The following PLEKHG1 variants were observed in gnomAD, a reference collection of about 807,000 sequenced individuals.
PLEKHG1 encodes pleckstrin homology domain-containing family G member 1.
PLEKHG1 carries 44 observed loss-of-function variants against 100.8 expected under a neutral mutation model. The ratio of observed to expected loss-of-function variants is 0.44; its 90% CI spans 0.34 to 0.56. PLEKHG1 has a LOEUF of 0.56. Ranked by LOEUF, PLEKHG1 falls within the 20% of genes least tolerant of loss-of-function variation. The pLI, the probability that PLEKHG1 is intolerant of heterozygous loss-of-function variation, is 0.01. For missense variants in PLEKHG1, 1,545 were observed against 1,720.9 expected, an observed-to-expected ratio of 0.90 and a Z score of 1.81; for synonymous variants, 640 against 662.5, an observed-to-expected ratio of 0.97 and a Z score of 0.52.
At chr6:150,732,231 A>G (rs916732211) in intron 1 of PLEKHG1, among the ~76,000 whole-genome samples, 5 of 152,032 alleles carry the variant, frequency 3.3e-5, no homozygotes, top group African/African-American at 1.2e-4. Context: ...AGACAGTGCC[A>G]TTTTCTCATA....
rs1168371849 is a variant in PLEKHG1 at position 150,737,279 on chromosome 6, GTA to G, written c.411+3189_411+3190del. ...TACCCAATAAAAGGCTGTCATATGG[GTA>G]TTTTTTTTTTTTTTTTTTTTTGAGA... On this transcript the variant is annotated intron_variant, in intron 2 of 15. Coordinates refer to ENST00000358517, the Ensembl canonical transcript of PLEKHG1. Among the ~76,000 whole-genome samples, 3 of 141,202 alleles carry G rather than the reference GTA, an allele frequency of 2.1e-5. No homozygotes were observed. The East Asian group carries it at 6.2e-4, about 29-fold the overall frequency. The allele number at this position is 141,202 out of a possible 152,430, so 92.6% of individuals were successfully genotyped here.
chr6:150,725,831 T>A (rs1011124787), intron 1 of PLEKHG1, among the ~76,000 whole-genome samples: 5 of 152,056 alleles, frequency 3.3e-5, no homozygotes, highest in African/African-American at 1.2e-4. Context: ...TATTTTGAGT[T>A]TATGTTTGTG....
At chr6:150,816,399 G>A (rs1422331437) in intron 10 of PLEKHG1, among the ~76,000 whole-genome samples, 2 of 133,478 alleles carry the variant, frequency 1.5e-5, no homozygotes, top group African/African-American at 5.6e-5. Context: ...GAGTGCAGTG[G>A]TGCTGCAACC....
Position 150,795,836 on chromosome 6 carries a change from T to C in PLEKHG1, c.583-20T>C. On this transcript the variant is annotated intron_variant, in intron 4 of 15. Coordinates refer to ENST00000358517, the Ensembl canonical transcript of PLEKHG1. ...GTTTGTGCTTTGTTGCCTATAAAAATTTCTTTTGTTTCCTTGCAGAGTGAA... is the reference window on the plus strand; with the variant it reads ...GTTTGTGCTTTGTTGCCTATAAAAACTTCTTTTGTTTCCTTGCAGAGTGAA... The C allele has an allele frequency of 6.5e-7, 1 of 1,533,696 alleles. No individual in the cohort carries two copies. The highest frequency in any genetic ancestry group is 9.0e-7 in the Non-Finnish European group (1 of 1,108,630).
intron 1 of PLEKHG1, among the ~76,000 whole-genome samples, chr6:150,611,668 C>T (rs1198805121): frequency 1.3e-5 from 2 of 151,954 alleles, no homozygotes; most frequent in African/African-American, 2.4e-5. Flanking sequence ...AAAAATTAGC[C>T]GGGCATGGTG....
intron 2 of PLEKHG1, among the ~76,000 whole-genome samples, chr6:150,756,483 T>C (rs3734411): frequency 0.075 from 11,475 of 152,238 alleles, 516 homozygotes; most frequent in Admixed American, 0.14. Flanking sequence ...TTACCTAATG[T>C]CGCCAGGGTG....
chr6:150,722,477 C>T (rs1687683678), intron 1 of PLEKHG1, among the ~76,000 whole-genome samples: 1 of 150,960 alleles, frequency 6.6e-6, no homozygotes, highest in South Asian at 2.1e-4. Flanking sequence ...CCATAGTTTC[C>T]TGAGTAGCTG....
At chr6:150,730,703 G>C (rs1278893116) in intron 1 of PLEKHG1, among the ~76,000 whole-genome samples, 1 of 152,096 alleles carries the variant, frequency 6.6e-6, no homozygotes, top group Non-Finnish European at 1.5e-5. Context: ...AGGAGTTCGA[G>C]ACCAGCCTGG....
At chr6:150,746,048 A>G (rs1034458292) in intron 2 of PLEKHG1, among the ~76,000 whole-genome samples, 1 of 152,194 alleles carries the variant, frequency 6.6e-6, no homozygotes, top group Non-Finnish European at 1.5e-5. Context: ...TGCCTTGTCA[A>G]CGGGGAGGGT....
intron 2 of PLEKHG1, among the ~76,000 whole-genome samples, chr6:150,643,210 A>T (rs1003728538): frequency 1.3e-5 from 2 of 152,220 alleles, no homozygotes; most frequent in African/African-American, 4.8e-5. Flanking sequence ...TAAAAAAAAT[A>T]AACAGGAAAT....
At chr6:150,792,909 A>G (rs76806506) in intron 4 of PLEKHG1, among the ~76,000 whole-genome samples, 2 of 152,322 alleles carry the variant, frequency 1.3e-5, no homozygotes, top group East Asian at 3.9e-4. Flanking sequence ...ACAAAAGACC[A>G]TAGGCCAGGT....
At chr6:150,716,966 C>T (rs1274594274), upstream of PLEKHG1, among the ~76,000 whole-genome samples, 1 of 152,180 alleles carries the variant, frequency 6.6e-6, no homozygotes. Context: ...ATGCTCCGAC[C>T]TCAGCCTCCC....
Position 150,599,931 on chromosome 6 carries a change from G to C in PLEKHG1, c.-290G>C, listed in dbSNP as rs1402796150. ...CCCGACGGCGGCTGCAGGGCGCTCC[G>C]GCAGCCCGAGCCGGCGCAGCGCAGC... On this transcript the variant is annotated 5_prime_UTR_variant, in exon 1 of 4. Transcript: ENST00000367326. 4.1e-5 allele frequency: 8 copies of C among 195,464 alleles called. No homozygotes were observed. In the East Asian group the frequency reaches 7.0e-4, roughly 17 times the overall value. 12.1% of individuals were successfully genotyped at this position (195,464 alleles called of 1,614,324 possible). A position where few individuals can be genotyped will look rare whatever the true frequency, so the allele number is the denominator to read the frequency against.
chr6:150,672,099 G>T (rs1779605538), intron 3 of PLEKHG1, among the ~76,000 whole-genome samples: 1 of 152,054 alleles, frequency 6.6e-6, no homozygotes, highest in African/African-American at 2.4e-5. Context: ...GGGCCAAGGG[G>T]TCCCTGATAA....
intron 1 of PLEKHG1, among the ~76,000 whole-genome samples, chr6:150,623,760 T>C (rs1050083452): frequency 2.0e-5 from 3 of 152,216 alleles, no homozygotes; most frequent in Non-Finnish European, 2.9e-5. Context: ...ACGTTTGTCA[T>C]GTGCCTCTCT....
chr6:150,747,344 GAGTT>G, intron 2 of PLEKHG1, among the ~76,000 whole-genome samples: 1 of 152,336 alleles, frequency 6.6e-6, no homozygotes, highest in Non-Finnish European at 1.5e-5. Flanking sequence ...GATAAGCCGA[GAGTT>G]AGTGTGACAG....
At chr6:150,823,579 A>C in intron 13 of PLEKHG1, 75 bp from the exon 15 acceptor site, 1 of 1,002,768 alleles carries the variant, frequency 1.0e-6, no homozygotes, top group Non-Finnish European at 1.5e-6. Context: ...TCTAAGTTCT[A>C]TAAAATATTA....
intron 1 of PLEKHG1, among the ~76,000 whole-genome samples, chr6:150,631,535 C>T (rs1047048274): frequency 6.6e-6 from 1 of 152,216 alleles, no homozygotes; most frequent in African/African-American, 2.4e-5. Flanking sequence ...CTGATCATAA[C>T]AGAAGCATCT....
intron 3 of PLEKHG1, among the ~76,000 whole-genome samples, chr6:150,714,668 A>G (rs1202044202): frequency 6.6e-6 from 1 of 152,200 alleles, no homozygotes; most frequent in Non-Finnish European, 1.5e-5. Context: ...GGATGACTGA[A>G]GTCCTGGTAA....
Sources: allele counts gnomAD v4.1 joint callset (sites outside exome capture counted in the v4.1 genomes callset), GRCh38; gene constraint gnomAD v4.1.1; transcripts MANE v1.5; gene names NCBI Gene and HGNC (gene_info 2026-07-23, HGNC 2026-07-21).